Variants in LRFN2 observed in about 807,000 individuals in gnomAD.
The protein encoded by LRFN2 is leucine-rich repeat and fibronectin type-III domain-containing protein 2.
A neutral mutation model predicts 37.3 loss-of-function variants in LRFN2; 18 were observed. The observed-to-expected ratio is 0.48, with a 90% confidence interval of 0.33 to 0.72. The LOEUF is 0.72. LRFN2 is among the 30% of genes least tolerant of loss of function. LRFN2 has a pLI of 0.02. For missense variants in LRFN2, 1,006 were observed against 1,060.7 expected (o/e 0.95, Z 0.72); for synonymous variants, 556 against 466.6 (o/e 1.19, Z -2.47).
At chr6:40,480,291 T>C (rs1321719912) in intron 1 of LRFN2, among the ~76,000 whole-genome samples, 2 of 152,150 alleles carry the variant, frequency 1.3e-5, no homozygotes, top group Non-Finnish European at 2.9e-5. Flanking sequence ...TTTCCTTTCT[T>C]TTTTGAGATG....
chr6:40,514,891 T>C (rs1006993995), intron 1 of LRFN2, among the ~76,000 whole-genome samples: 1 of 152,196 alleles, frequency 6.6e-6, no homozygotes, highest in Non-Finnish European at 1.5e-5. Context: ...TTTTTCCTTA[T>C]GCAGCACCCC....
chr6:40,428,046 G>A (rs1301013608), intron 2 of LRFN2, among the ~76,000 whole-genome samples: 1 of 152,220 alleles, frequency 6.6e-6, no homozygotes, highest in Non-Finnish European at 1.5e-5. Flanking sequence ...CCTTGAGCAA[G>A]TTTCTTCTAT....
At chr6:40,515,718 G>A (rs555326075) in intron 1 of LRFN2, among the ~76,000 whole-genome samples, 6 of 151,994 alleles carry the variant, frequency 3.9e-5, no homozygotes, top group South Asian at 2.1e-4. Context: ...GTGAAACCCC[G>A]TCTCTACTAA....
rs186619123 is a variant in LRFN2, at chr6:40,436,393, G to A, written c.-18-3262C>T. Among the ~76,000 whole-genome samples, 765 of 152,322 alleles carry A rather than the reference G, an allele frequency of 5.0e-3. 10 individuals are homozygous for A. Among genetic ancestry groups the A allele is most frequent in the African/African-American group, 0.017 (724 of 41,568 alleles). On this transcript the variant is annotated intron_variant, in intron 1 of 2. Transcript: ENST00000338305. Reference sequence around the variant, plus strand: ...TCCTTTGTGCCACCATGGCAGAGGTGAGCCATTGCTGCATATAACACATGG... The same window carrying A: ...TCCTTTGTGCCACCATGGCAGAGGTAAGCCATTGCTGCATATAACACATGG...
intron 1 of LRFN2, among the ~76,000 whole-genome samples, chr6:40,545,911 T>C (rs995609181): frequency 1.3e-5 from 2 of 152,188 alleles, no homozygotes; most frequent in African/African-American, 4.8e-5. Context: ...TTGTTTCTTT[T>C]TCTTTTGGTG....
At chr6:40,462,613 C>T (rs777541518) in intron 1 of LRFN2, among the ~76,000 whole-genome samples, 6 of 152,178 alleles carry the variant, frequency 3.9e-5, no homozygotes, top group South Asian at 2.1e-4. Flanking sequence ...AATGGGGCCA[C>T]GATGAATACA....
At chr6:40,445,749 A>G (rs1763954202) in intron 1 of LRFN2, among the ~76,000 whole-genome samples, 1 of 152,182 alleles carries the variant, frequency 6.6e-6, no homozygotes, top group African/African-American at 2.4e-5. Flanking sequence ...GGGTCCAGCC[A>G]CTTTGTAGGA....
At chr6:40,460,749 G>A (rs547454175) in intron 1 of LRFN2, among the ~76,000 whole-genome samples, 7 of 152,296 alleles carry the variant, frequency 4.6e-5, no homozygotes, top group Non-Finnish European at 1.0e-4. Flanking sequence ...CCCTGGGATA[G>A]ATCACCACAG....
chr6:40,508,569 A>G (rs1213482850), intron 1 of LRFN2, among the ~76,000 whole-genome samples: 1 of 152,180 alleles, frequency 6.6e-6, no homozygotes. Flanking sequence ...TTCTTGTTCT[A>G]CTGCATACTA....
intron 1 of LRFN2, among the ~76,000 whole-genome samples, chr6:40,503,005 A>G (rs1277303449): frequency 6.6e-6 from 1 of 152,246 alleles, no homozygotes. Context: ...AGCATGTTCC[A>G]AGACTGTATC....
At chr6:40,584,920 G>A (rs1767475345) in intron 1 of LRFN2, among the ~76,000 whole-genome samples, 1 of 151,968 alleles carries the variant, frequency 6.6e-6, no homozygotes, top group South Asian at 2.1e-4. Context: ...TTCCCCGGTG[G>A]CCCCACCCAC....
intron 1 of LRFN2, among the ~76,000 whole-genome samples, chr6:40,555,583 C>T (rs1018555797): frequency 1.3e-5 from 2 of 152,162 alleles, no homozygotes; most frequent in Non-Finnish European, 2.9e-5. Flanking sequence ...GTCTGTGCCT[C>T]CTGGAATTGT....
At chr6:40,424,771 A>G (rs1489650398) in intron 2 of LRFN2, among the ~76,000 whole-genome samples, 1 of 152,132 alleles carries the variant, frequency 6.6e-6, no homozygotes, top group African/African-American at 2.4e-5. Flanking sequence ...GAGTCAAAGA[A>G]TCTTCTCTCA....
At chr6:40,563,459 C>A (rs888189844) in intron 1 of LRFN2, among the ~76,000 whole-genome samples, 1 of 152,156 alleles carries the variant, frequency 6.6e-6, no homozygotes, top group African/African-American at 2.4e-5. Flanking sequence ...AATCCACAGT[C>A]ATTTATCACA....
At chr6:40,480,828 T>C (rs1324595121) in intron 1 of LRFN2, among the ~76,000 whole-genome samples, 6 of 152,202 alleles carry the variant, frequency 3.9e-5, no homozygotes, top group Non-Finnish European at 5.9e-5. Context: ...CAAGCGCTCA[T>C]TAAATGGTAG....
Position 40,554,844 on chromosome 6 carries a change from TAA to T in LRFN2, c.-19+32095_-19+32096del, listed in dbSNP as rs367983296. ...CTCTGCACTCAGACAGTTTCTTGGT[TAA>T]AAGTCACCTCTCAGTAAATCAGCCT... On this transcript the variant is annotated intron_variant, in intron 1 of 2. Coordinates refer to ENST00000338305, the MANE Select transcript of LRFN2 (RefSeq NM_020737.3). Among the ~76,000 whole-genome samples, 439 of 152,322 alleles carry T rather than the reference TAA, an allele frequency of 2.9e-3. 3 individuals carry two copies. Among genetic ancestry groups the T allele is most frequent in the African/African-American group, 0.01 (417 of 41,572 alleles).
At chr6:40,569,925 C>T (rs768564739) in intron 1 of LRFN2, among the ~76,000 whole-genome samples, 2 of 152,124 alleles carry the variant, frequency 1.3e-5, no homozygotes, top group Admixed American at 6.5e-5. Flanking sequence ...AACTCCCTTG[C>T]CCCTGCCTCA....
intron 2 of LRFN2, among the ~76,000 whole-genome samples, chr6:40,408,124 T>A (rs901081820): frequency 1.3e-5 from 2 of 151,896 alleles, no homozygotes; most frequent in African/African-American, 2.4e-5. Context: ...TAGTTTGGGG[T>A]GATGAAAAAG....
intron 1 of LRFN2, among the ~76,000 whole-genome samples, chr6:40,519,326 GACTCAA>G (rs1765980774): frequency 6.6e-6 from 1 of 152,174 alleles, no homozygotes; most frequent in African/African-American, 2.4e-5. Flanking sequence ...GTGGGACTAG[GACTCAA>G]ACACTGGTAT....
Sources: gnomAD v4.1 joint callset for allele counts (sites outside exome capture counted in the v4.1 genomes callset) on GRCh38, gnomAD v4.1.1 for gene constraint, MANE v1.5 for transcripts, NCBI Gene and HGNC (gene_info 2026-07-23, HGNC 2026-07-21) for gene names.